The following LRIF1 variants were observed in gnomAD, a reference collection of about 807,000 sequenced individuals.
LRIF1 encodes the protein ligand dependent nuclear receptor interacting factor 1, also known as ligand-dependent nuclear receptor-interacting factor 1.
A neutral mutation model predicts 52.7 loss-of-function variants in LRIF1; 32 were observed. The observed-to-expected ratio is 0.61, with a 90% CI of 0.46 to 0.82. LRIF1 has a LOEUF of 0.82. Among genes scored for constraint, LRIF1 ranks in the 40% least tolerant of loss-of-function variants. The pLI is 0.00. For missense variants in LRIF1, 887 were observed against 892.0 expected (o/e 0.99, Z 0.07); for synonymous variants, 323 against 317.4 (o/e 1.02, Z -0.19).
chr1:110,939,100 A>G, the LRIF1 span: 1 of 152,182 alleles, frequency 6.6e-6, no homozygotes, highest in South Asian at 2.1e-4. Context: ...AATATAGTTA[A>G]AAATGTCCTG....
In LRIF1 at chr1:110,952,299, A is replaced by C. The variant is rs761041222; in HGVS notation, c.585T>G (p.Ser195=). The C allele has an allele frequency of 1.2e-6, 2 of 1,614,184 alleles. No homozygotes were observed. Among genetic ancestry groups the C allele is most frequent in the Non-Finnish European group, 1.7e-6 (2 of 1,180,008 alleles). ...LQIPAHAEVK[S]VPASSLPPSV... The stretch of plus-strand genomic sequence containing the variant: ...AAGGAGGCAATGATGACGCTGGTAC[A>C]GATTTCACTTCAGCATGGGCTGGAA... Residue 195 remains serine (S), a synonymous_variant, in exon 2 of 4, where the codon TCT becomes TCG. Coordinates refer to ENST00000369763, the MANE Select transcript of LRIF1 (RefSeq NM_018372.4).
intron 2 of LRIF1, among the ~76,000 whole-genome samples, chr1:110,950,719 T>C (rs754610727): frequency 2.0e-5 from 3 of 150,954 alleles, no homozygotes; most frequent in Non-Finnish European, 4.4e-5. Context: ...AAAATGAAAT[T>C]TGTCTACCAA....
chr1:110,926,572 C>G, the LRIF1 span, among the ~76,000 whole-genome samples: 1 of 151,786 alleles, frequency 6.6e-6, no homozygotes, highest in Admixed American at 6.6e-5. Context: ...TTGTACAAGA[C>G]CTTTTAAAGA....
At chr1:110,894,450 G>A in the LRIF1 span, 2 of 1,371,090 alleles carry the variant, frequency 1.5e-6, no homozygotes, top group Non-Finnish European at 2.1e-6. Flanking sequence ...AAAGTGGGGA[G>A]TATGCAGTGG....
the LRIF1 span, chr1:110,939,776 T>G: frequency 6.6e-6 from 1 of 152,120 alleles, no homozygotes. Flanking sequence ...AAACTAGATA[T>G]CCACATGCAG....
chr1:110,920,208 T>C, the LRIF1 span, among the ~76,000 whole-genome samples: 7 of 152,296 alleles, frequency 4.6e-5, no homozygotes, highest in East Asian at 7.7e-4. Flanking sequence ...CCCAAAAGAA[T>C]TGAAAACCTA....
the LRIF1 span, among the ~76,000 whole-genome samples, chr1:110,876,371 A>C: frequency 6.6e-6 from 1 of 152,200 alleles, no homozygotes; most frequent in African/African-American, 2.4e-5. Flanking sequence ...ATAAATTCCT[A>C]GTGCATTTTA....
the LRIF1 span, chr1:110,897,859 C>T: frequency 1.6e-5 from 25 of 1,611,422 alleles, no homozygotes; most frequent in South Asian, 3.3e-5. Context: ...TCCTGTATAT[C>T]GGAATCATCA....
the LRIF1 span, among the ~76,000 whole-genome samples, chr1:110,908,269 A>T: frequency 6.6e-6 from 1 of 152,178 alleles, no homozygotes; most frequent in African/African-American, 2.4e-5. Context: ...AAAGACAATA[A>T]CTTTAAAGAT....
intron 3 of LRIF1, 36 bp downstream of exon 3, chr1:110,949,815 G>A (rs1330214767): frequency 6.4e-7 from 1 of 1,572,310 alleles, no homozygotes; most frequent in Non-Finnish European, 8.7e-7. Context: ...ATCATTTGTA[G>A]TACCTATGAA....
the LRIF1 span, among the ~76,000 whole-genome samples, chr1:110,893,191 TTGG>T: frequency 6.6e-6 from 1 of 152,386 alleles, no homozygotes; most frequent in Non-Finnish European, 1.5e-5. Flanking sequence ...AGAACAGAGC[TTGG>T]TGTAACAGTG....
chr1:110,876,436 A>C, the LRIF1 span, among the ~76,000 whole-genome samples: 1 of 152,218 alleles, frequency 6.6e-6, no homozygotes, highest in Non-Finnish European at 1.5e-5. Flanking sequence ...ATCTTAAGCT[A>C]CTATGCTAGC....
chr1:110,918,011 C>T, the LRIF1 span, among the ~76,000 whole-genome samples: 2 of 151,982 alleles, frequency 1.3e-5, no homozygotes, highest in African/African-American at 4.8e-5. Flanking sequence ...GTAAGATTAT[C>T]TTAATATATC....
At chr1:110,886,096 T>A in the LRIF1 span, among the ~76,000 whole-genome samples, 2 of 152,182 alleles carry the variant, frequency 1.3e-5, no homozygotes, top group African/African-American at 4.8e-5. Context: ...GTCCTTTTTT[T>A]AAGTTATTAA....
chr1:110,904,746 T>A, the LRIF1 span, among the ~76,000 whole-genome samples: 1 of 152,018 alleles, frequency 6.6e-6, no homozygotes, highest in South Asian at 2.1e-4. Context: ...AGGACATCTA[T>A]TAGAATCAAC....
downstream of LRIF1, chr1:110,942,411 C>T (rs576074849): frequency 6.6e-6 from 1 of 152,110 alleles, no homozygotes; most frequent in Admixed American, 6.5e-5. Flanking sequence ...GTGTATGTTT[C>T]GTTTCTCATT....
chr1:110,892,215 A>G, the LRIF1 span: 11 of 752,912 alleles, frequency 1.5e-5, no homozygotes, highest in African/African-American at 1.5e-4. Context: ...TTTGGTAAAG[A>G]AATTGTTCAT....
chr1:110,952,360 T>C lies in LRIF1; in HGVS notation c.524A>G (p.Lys175Arg). The C allele has an allele frequency of 1.2e-6, 2 of 1,614,094 alleles. No homozygotes were observed. The highest frequency in any genetic ancestry group is 1.7e-6 in the Non-Finnish European group (2 of 1,179,946). ...ATGCCCAGAAGGCAAAACTGGAGAC[T>C]TCACAGTCACTGGAAGACTCTGGGT... ...VNTQSLPVTV[K>R]SPVLPSGHHL... The change falls in exon 2 of 4, where the codon AAG becomes AGG. Residue 175 changes from lysine (K) to arginine (R), a missense_variant. By Grantham distance (26) the Lys-to-Arg change is conservative (BLOSUM62 2). Coordinates refer to ENST00000369763, the MANE Select transcript of LRIF1 (RefSeq NM_018372.4).
the LRIF1 span, among the ~76,000 whole-genome samples, chr1:110,918,443 A>T: frequency 2.0e-5 from 3 of 152,240 alleles, no homozygotes; most frequent in East Asian, 5.8e-4. Context: ...ATAAAGATAT[A>T]TCAAATCCAA....
Sources: allele counts gnomAD v4.1 joint callset (sites outside exome capture counted in the v4.1 genomes callset), GRCh38; gene constraint gnomAD v4.1.1; transcripts MANE v1.5; gene names NCBI Gene and HGNC (gene_info 2026-07-23, HGNC 2026-07-21).